Variants in CFAP54 observed in about 807,000 individuals in gnomAD.
CFAP54 encodes the protein cilia and flagella associated protein 54, also known as cilia- and flagella-associated protein 54.
CFAP54 carries 290 observed loss-of-function variants against 370.4 expected under a neutral mutation model. The observed-to-expected ratio is 0.78, with a 90% CI of 0.71 to 0.86. The LOEUF (loss-of-function observed/expected upper bound fraction) is 0.86, where lower values mean the gene tolerates loss of function less well. Ranked by LOEUF, CFAP54 falls within the 40% of genes least tolerant of loss-of-function variation. The probability of loss-of-function intolerance (pLI) is 0.00; values close to 1 mark genes in which losing one functional copy is unlikely to be tolerated. For missense variants in CFAP54, 3,399 were observed against 3,528.7 expected (o/e 0.96, Z 0.93); for synonymous variants, 1,206 against 1,236.5 (o/e 0.98, Z 0.52).
intron 25 of CFAP54, among the ~76,000 whole-genome samples, chr12:96,595,321 T>C (rs182613017): frequency 5.0e-4 from 76 of 152,020 alleles, no homozygotes; most frequent in African/African-American, 1.7e-3. Context: ...CCACCCACAC[T>C]CAAGGGGAAG....
intron 8 of CFAP54, among the ~76,000 whole-genome samples, chr12:96,522,469 A>G (rs1264793904): frequency 6.6e-6 from 1 of 152,208 alleles, no homozygotes; most frequent in East Asian, 1.9e-4. Flanking sequence ...TGGCTCTTGC[A>G]AATGAATAGG....
Position 96,852,462 on chromosome 12 carries a change from G to C in CFAP54, c.9172-8357G>C, listed in dbSNP as rs574025233. Among the ~76,000 whole-genome samples, 9 of 152,134 alleles carry C rather than the reference G, an allele frequency of 5.9e-5. No homozygotes were observed. The South Asian group carries it at 6.2e-4, about 11-fold the overall frequency. Reference sequence around the variant, plus strand: ...TTCAATAAATGAGTTGGGTCAATTGGATATCTAAAAATAATGCACCTCAAC... The same window carrying C: ...TTCAATAAATGAGTTGGGTCAATTGCATATCTAAAAATAATGCACCTCAAC... On this transcript the variant is annotated intron_variant, in intron 66 of 67. Transcript: ENST00000524981.
At chr12:96,658,148 T>TA (rs1956944868) in intron 37 of CFAP54, 43 bp downstream of exon 37, 1 of 1,431,524 alleles carries the variant, frequency 7.0e-7, no homozygotes, top group Non-Finnish European at 9.6e-7. Flanking sequence ...AAGACTTCAT[T>TA]GAAAAAAAAA....
At chr12:96,792,976 TTATTTG>T (rs1958718373) in intron 63 of CFAP54, among the ~76,000 whole-genome samples, 1 of 152,144 alleles carries the variant, frequency 6.6e-6, no homozygotes, top group South Asian at 2.1e-4. Context: ...CAGTTTGCTA[TTATTTG>T]TATTAAATTT....
chr12:96,582,142 C>G (rs563129337), intron 22 of CFAP54, among the ~76,000 whole-genome samples: 1 of 152,064 alleles, frequency 6.6e-6, no homozygotes, highest in Non-Finnish European at 1.5e-5. Context: ...GTAGCTACTT[C>G]CCAGAGGTAT....
At position 96,489,682 on chromosome 12, in the gene CFAP54, C is replaced by T. The variant is rs1332020511; in HGVS notation, c.73C>T (p.Pro25Ser). ...CACCTCGGGGTCTCTGCCAGAACTG[C>T]CGCCGACCTCCACCGCGACTTCGAG... is the stretch of plus-strand genomic sequence containing the variant. ...STTSGSLPEL[P>S]PTSTATSRSP... Residue 25 changes from proline (P) to serine (S), a missense_variant, in exon 1 of 68, where the codon CCG (proline) becomes TCG (serine). Coordinates refer to ENST00000524981, the MANE Select transcript of CFAP54 (RefSeq NM_001306084.2). The T allele has an allele frequency of 2.6e-6, 4 of 1,535,788 alleles. No homozygotes were observed. In the Admixed American group the frequency reaches 5.9e-5, roughly 23 times the overall value.
At chr12:96,648,745 C>T (rs1208990616) in intron 34 of CFAP54, among the ~76,000 whole-genome samples, 7 of 151,842 alleles carry the variant, frequency 4.6e-5, no homozygotes, top group African/African-American at 1.5e-4. Context: ...CGTGCCACCG[C>T]GCCTGGCTAA....
intron 36 of CFAP54, 61 bp from the exon 37 acceptor site, chr12:96,657,821 A>G: frequency 1.7e-6 from 2 of 1,189,530 alleles, no homozygotes; most frequent in Non-Finnish European, 2.4e-6. Context: ...TTCAGTTTTC[A>G]GAAAAAATAT....
chr12:96,574,520 T>G (rs951816998), intron 19 of CFAP54, among the ~76,000 whole-genome samples: 6 of 152,144 alleles, frequency 3.9e-5, no homozygotes, highest in African/African-American at 1.4e-4. Flanking sequence ...ATTAATATTT[T>G]TAAATAATGC....
chr12:96,563,207 T>C (rs965851691), intron 17 of CFAP54, among the ~76,000 whole-genome samples: 1 of 152,204 alleles, frequency 6.6e-6, no homozygotes, highest in Admixed American at 6.5e-5. Flanking sequence ...CACTTAAAGA[T>C]ATTGATGCAA....
At chr12:96,740,115 G>A in intron 51 of CFAP54, 54 bp downstream of exon 51, 1 of 982,946 alleles carries the variant, frequency 1.0e-6, no homozygotes, top group East Asian at 2.4e-5. Flanking sequence ...AGAACTATTG[G>A]CATGCTAGGA....
In CFAP54 at chr12:96,625,734, C is replaced by T. The variant is rs1433327772; in HGVS notation, c.3903C>T (p.Leu1301=). ...KLTKQYVTSE[L]SGGEDPIFLY... Reference sequence around the variant, plus strand: ...TAACCTTAGATGTTACATCTGAACTCTCAGGAGGAGAGGACCCTATATTTC... The same window carrying T: ...TAACCTTAGATGTTACATCTGAACTTTCAGGAGGAGAGGACCCTATATTTC... The change falls in exon 29 of 68, where the codon CTC becomes CTT. Residue 1301 remains leucine, a synonymous_variant. Transcript: ENST00000524981. 3 of 1,535,260 alleles carry T rather than the reference C, an allele frequency of 2.0e-6. No individual in the cohort carries two copies. Among genetic ancestry groups the T allele is most frequent in the Admixed American group, 2.0e-5 (1 of 50,932 alleles).
intron 12 of CFAP54, among the ~76,000 whole-genome samples, chr12:96,536,630 T>TTCTTTTTC (rs1555228642): frequency 7.4e-6 from 1 of 135,788 alleles, no homozygotes; most frequent in African/African-American, 2.8e-5. Flanking sequence ...CTTTTTCTTT[T>TTCTTTTTC]TTTTTTTTTT....
At chr12:96,590,776 G>A (rs956355036) in intron 23 of CFAP54, among the ~76,000 whole-genome samples, 2 of 152,236 alleles carry the variant, frequency 1.3e-5, no homozygotes, top group Middle Eastern at 3.4e-3. Context: ...GGATATGAGA[G>A]GTAGAACAAG....
In CFAP54 at chr12:96,684,675, G is replaced by A; in HGVS notation, c.5744G>A (p.Ser1915Asn). The A allele has an allele frequency of 6.2e-7, 1 of 1,612,930 alleles. No individual in the cohort carries two copies. Among genetic ancestry groups the A allele is most frequent in the Non-Finnish European group, 8.5e-7 (1 of 1,179,632 alleles). ...GTTCTCCAAGCCAGCAATCAAAGAA[G>A]TCTTAAAGTTCAGGCGTTGCATTCA... ...QDVLQASNQRSLKVQALHSLG... is the reference protein window; with the variant it reads ...QDVLQASNQRNLKVQALHSLG... Residue 1915 changes from serine to asparagine, a missense_variant, in exon 41 of 68, where the codon AGT becomes AAT. Physicochemically the swap from Ser to Asn is conservative, Grantham distance 46. Around this residue, in one of 3 missense-constraint regions of CFAP54, gnomAD observed 2,796 missense variants for 2,869.7 expected, o/e 0.97. Transcript: ENST00000524981.
At chr12:96,748,247 C>T (rs1225442091) in intron 55 of CFAP54, among the ~76,000 whole-genome samples, 1 of 152,180 alleles carries the variant, frequency 6.6e-6, no homozygotes, top group Non-Finnish European at 1.5e-5. Context: ...AGAAGTTTCG[C>T]TCCTTCTCTC....
chr12:96,795,267 G>T (rs1367812926), intron 63 of CFAP54, among the ~76,000 whole-genome samples: 1 of 152,152 alleles, frequency 6.6e-6, no homozygotes, highest in Non-Finnish European at 1.5e-5. Flanking sequence ...GATAGTATAG[G>T]TAAGACACAA....
rs1389100544 is a variant in CFAP54 at position 96,630,128 on chromosome 12, A to G, written c.4139A>G (p.Lys1380Arg). The change falls in exon 31 of 68, where the codon AAA becomes AGA. Residue 1380 changes from lysine to arginine, a missense_variant. Around this residue, in one of 3 missense-constraint regions of CFAP54, gnomAD observed 2,796 missense variants for 2,869.7 expected, o/e 0.97. Coordinates refer to ENST00000524981, the MANE Select transcript of CFAP54 (RefSeq NM_001306084.2). ...TCTCTACTTGGACTAATAAAAGTGAAATATAAGGATAGTGCTTTGAATAAA... is the reference window on the plus strand; with the variant it reads ...TCTCTACTTGGACTAATAAAAGTGAGATATAAGGATAGTGCTTTGAATAAA... ...NESLLGLIKVKYKDSALNKKA... is the reference protein window; with the variant it reads ...NESLLGLIKVRYKDSALNKKA... 4 of 1,492,140 alleles carry G rather than the reference A, an allele frequency of 2.7e-6. No homozygotes were observed. In the African/African-American group the frequency reaches 5.6e-5, roughly 21 times the overall value. The allele number at this position is 1,492,140 out of a possible 1,614,324, so 92.4% of individuals were successfully genotyped here.
chr12:96,691,857 T>G (rs1957391985), intron 44 of CFAP54, among the ~76,000 whole-genome samples: 1 of 152,128 alleles, frequency 6.6e-6, no homozygotes, highest in South Asian at 2.1e-4. Context: ...ACAGTGTATG[T>G]CATAAATTTG....
Sources: gnomAD v4.1 joint callset for allele counts (sites outside exome capture counted in the v4.1 genomes callset) on GRCh38, gnomAD v4.1.1 for gene constraint, gnomAD v4.1.1 regional missense constraint, MANE v1.5 for transcripts, NCBI Gene and HGNC (gene_info 2026-07-23, HGNC 2026-07-21) for gene names.